Variants in LRFN2 observed in about 807,000 individuals in gnomAD.
LRFN2 encodes the protein leucine rich repeat and fibronectin type III domain containing 2, also known as leucine-rich repeat and fibronectin type-III domain-containing protein 2.
A neutral mutation model predicts 37.3 loss-of-function variants in LRFN2; 18 were observed. The ratio of observed to expected loss-of-function variants is 0.48; its 90% confidence interval spans 0.33 to 0.72. The LOEUF (loss-of-function observed/expected upper bound fraction) is 0.72. Ranked by LOEUF, LRFN2 falls within the 30% of genes least tolerant of loss-of-function variation. The pLI, the probability that LRFN2 is intolerant of heterozygous loss-of-function variation, is 0.02. For missense variants in LRFN2, 1,006 were observed against 1,060.7 expected (o/e 0.95, Z 0.72); for synonymous variants, 556 against 466.6 (o/e 1.19, Z -2.47).
intron 1 of LRFN2, among the ~76,000 whole-genome samples, chr6:40,496,585 T>C (rs1463412006): frequency 1.3e-5 from 2 of 152,070 alleles, no homozygotes; most frequent in Admixed American, 1.3e-4. Context: ...GGTCTTCACA[T>C]GCCCAGCCCT....
At position 40,433,144 on chromosome 6, in the gene LRFN2, A is replaced by C; in HGVS notation, c.-18-13T>G. 1 of 1,513,140 alleles carries C rather than the reference A, an allele frequency of 6.6e-7. No individual in the cohort carries two copies. The highest frequency in any genetic ancestry group is 8.8e-7 in the Non-Finnish European group (1 of 1,132,284). The allele number at this position is 1,513,140 out of a possible 1,614,324, so 93.7% of individuals were successfully genotyped here. A position where few individuals can be genotyped will look rare whatever the true frequency, so the allele number is the denominator to read the frequency against. On this transcript the variant is annotated splice_polypyrimidine_tract_variant and intron_variant, in intron 1 of 2. Coordinates refer to ENST00000338305, the MANE Select transcript of LRFN2 (RefSeq NM_020737.3). ...GGTCACTCAGCGCCTGGAAGGGAGAAACACAAGCTCAGGGTCAGGAGGCAA... is the reference window on the plus strand; with the variant it reads ...GGTCACTCAGCGCCTGGAAGGGAGACACACAAGCTCAGGGTCAGGAGGCAA...
chr6:40,499,552 A>G (rs531443417), intron 1 of LRFN2, among the ~76,000 whole-genome samples: 2 of 152,318 alleles, frequency 1.3e-5, no homozygotes, highest in African/African-American at 4.8e-5. Flanking sequence ...AAGAGAAAAT[A>G]CAATTGGAGT....
chr6:40,437,418 C>G (rs527604345), intron 1 of LRFN2, among the ~76,000 whole-genome samples: 11 of 151,986 alleles, frequency 7.2e-5, no homozygotes, highest in African/African-American at 2.4e-4. Context: ...AGATGCATAC[C>G]CTGGAGCTCA....
At chr6:40,539,381 C>A (rs2113914994) in intron 1 of LRFN2, among the ~76,000 whole-genome samples, 1 of 152,260 alleles carries the variant, frequency 6.6e-6, no homozygotes, top group East Asian at 1.9e-4. Flanking sequence ...CAGCGTAAGC[C>A]AATACTGTTT....
In LRFN2 at chr6:40,514,089, C is replaced by T. The variant is rs570726597; in HGVS notation, c.-19+72852G>A. Among the ~76,000 whole-genome samples, 3 of 151,888 alleles carry T rather than the reference C, an allele frequency of 2.0e-5. No homozygotes were observed. In the East Asian group the frequency reaches 5.8e-4, roughly 30 times the overall value. On this transcript the variant is annotated intron_variant, in intron 1 of 2. Coordinates refer to ENST00000338305, the MANE Select transcript of LRFN2 (RefSeq NM_020737.3). ...ATTTGAAGCCAAGATGTGACATAAT[C>T]CTGTTTTAATAAGATCCAGTGAGAG...
intron 2 of LRFN2, among the ~76,000 whole-genome samples, chr6:40,405,154 A>G (rs1762815297): frequency 6.6e-6 from 1 of 152,198 alleles, no homozygotes; most frequent in Admixed American, 6.5e-5. Context: ...CCAGCTACCC[A>G]TTACACATCT....
chr6:40,397,367 C>T (rs984471542), intron 2 of LRFN2, among the ~76,000 whole-genome samples: 4 of 152,196 alleles, frequency 2.6e-5, no homozygotes, highest in African/African-American at 9.7e-5. Context: ...TCAGGATGGA[C>T]TCAGCAGCCT....
intron 1 of LRFN2, among the ~76,000 whole-genome samples, chr6:40,515,263 C>G (rs1420299983): frequency 6.6e-6 from 1 of 152,074 alleles, no homozygotes; most frequent in African/African-American, 2.4e-5. Context: ...ATGTTGTGGC[C>G]AGCGTCTCCA....
intron 1 of LRFN2, among the ~76,000 whole-genome samples, chr6:40,434,730 G>A (rs368097436): frequency 2.7e-4 from 41 of 151,522 alleles, no homozygotes; most frequent in African/African-American, 8.5e-4. Flanking sequence ...CACCTGCCCC[G>A]GCCTCCCAAA....
intron 1 of LRFN2, among the ~76,000 whole-genome samples, chr6:40,447,745 G>A (rs1368866930): frequency 1.3e-5 from 2 of 152,116 alleles, no homozygotes; most frequent in Non-Finnish European, 2.9e-5. Flanking sequence ...CAGATAAGGT[G>A]AGGCCCATCA....
intron 1 of LRFN2, among the ~76,000 whole-genome samples, chr6:40,483,153 C>T (rs60289337): frequency 0.011 from 1,749 of 152,372 alleles, 31 homozygotes; most frequent in African/African-American, 0.04. Flanking sequence ...AAATGGGTGC[C>T]TAACACTTAC....
intron 1 of LRFN2, among the ~76,000 whole-genome samples, chr6:40,505,433 T>C (rs1299436801): frequency 6.6e-6 from 1 of 152,236 alleles, no homozygotes; most frequent in Non-Finnish European, 1.5e-5. Flanking sequence ...TTTCGCTCCA[T>C]GACGCAGGTT....
At chr6:40,444,137 G>T (rs902546777) in intron 1 of LRFN2, among the ~76,000 whole-genome samples, 20 of 152,198 alleles carry the variant, frequency 1.3e-4, no homozygotes, top group African/African-American at 4.6e-4. Flanking sequence ...GGCAGTTAAA[G>T]GTGGAGAGTT....
chr6:40,503,135 G>A (rs183220515), intron 1 of LRFN2, among the ~76,000 whole-genome samples: 2 of 152,324 alleles, frequency 1.3e-5, no homozygotes, highest in Non-Finnish European at 2.9e-5. Context: ...AGGGCCACGA[G>A]GGCCAGGTCT....
chr6:40,468,976 G>A (rs1019727903), intron 1 of LRFN2, among the ~76,000 whole-genome samples: 12 of 152,148 alleles, frequency 7.9e-5, no homozygotes, highest in African/African-American at 1.2e-4. Flanking sequence ...GTATATCCAC[G>A]TCCTAATCCC....
chr6:40,425,548 T>A (rs1489716327), intron 2 of LRFN2, among the ~76,000 whole-genome samples: 1 of 152,148 alleles, frequency 6.6e-6, no homozygotes, highest in African/African-American at 2.4e-5. Context: ...CTTTCTGACT[T>A]CCCTCTCCCA....
chr6:40,461,323 G>C (rs1426325717), intron 1 of LRFN2, among the ~76,000 whole-genome samples: 5 of 152,088 alleles, frequency 3.3e-5, no homozygotes. Context: ...TGGGAGGATT[G>C]CTTGAGCCAA....
intron 1 of LRFN2, among the ~76,000 whole-genome samples, chr6:40,562,919 T>C (rs139516947): frequency 8.5e-5 from 13 of 152,098 alleles, no homozygotes; most frequent in African/African-American, 3.1e-4. Flanking sequence ...TAGCTGTGGC[T>C]CTCAAGAGGC....
intron 1 of LRFN2, among the ~76,000 whole-genome samples, chr6:40,460,498 C>T (rs1285386490): frequency 1.3e-5 from 2 of 152,114 alleles, no homozygotes; most frequent in Non-Finnish European, 2.9e-5. Flanking sequence ...TGGATTCAGC[C>T]CAGATCCCAA....
Sources: gnomAD v4.1 joint callset for allele counts (sites outside exome capture counted in the v4.1 genomes callset) on GRCh38, gnomAD v4.1.1 for gene constraint, MANE v1.5 for transcripts, NCBI Gene and HGNC (gene_info 2026-07-23, HGNC 2026-07-21) for gene names.